Variants in TNS3 observed in about 807,000 individuals in gnomAD.
TNS3 encodes the protein tensin 3, also known as tensin-3.
Under a neutral mutation model 140.9 loss-of-function variants are expected in TNS3, and 45 were observed. That is an observed-to-expected ratio of 0.32 (90% confidence interval 0.25 to 0.41). TNS3 has a LOEUF of 0.41. Ranked by LOEUF, TNS3 falls within the 10% of genes least tolerant of loss-of-function variation. The pLI, the probability that TNS3 is intolerant of heterozygous loss-of-function variation, is 1.00. For missense variants in TNS3, 1,716 were observed against 1,906.7 expected, an observed-to-expected ratio of 0.90 and a Z score of 1.86; for synonymous variants, 815 against 788.4, an observed-to-expected ratio of 1.03 and a Z score of -0.56.
Position 47,368,360 on chromosome 7 carries a change from C to A in TNS3, c.2281+5G>T. 2 of 1,481,340 alleles carry A rather than the reference C, an allele frequency of 1.4e-6. No individual in the cohort carries two copies. The highest frequency in any genetic ancestry group is 1.8e-6 in the Non-Finnish European group (2 of 1,116,432). 91.8% of individuals were successfully genotyped at this position (1,481,340 alleles called of 1,614,324 possible). On this transcript the variant is annotated splice_donor_5th_base_variant and intron_variant, in intron 17 of 30. Coordinates refer to ENST00000311160, the MANE Select transcript of TNS3 (RefSeq NM_022748.12). ...TGGAGCACCTCCCATGGAGACCCAGCTCACCTTGCCGCCCGGTGGCCCTGC... is the reference window on the plus strand; with the variant it reads ...TGGAGCACCTCCCATGGAGACCCAGATCACCTTGCCGCCCGGTGGCCCTGC...
chr7:47,306,258 G>T (rs971485018), intron 20 of TNS3, among the ~76,000 whole-genome samples: 1 of 152,080 alleles, frequency 6.6e-6, no homozygotes, highest in Non-Finnish European at 1.5e-5. Flanking sequence ...GACCAGTGAG[G>T]AATTATATCC....
intron 20 of TNS3, among the ~76,000 whole-genome samples, chr7:47,324,928 T>C (rs1001925641): frequency 3.3e-5 from 5 of 151,992 alleles, no homozygotes; most frequent in Non-Finnish European, 7.4e-5. Flanking sequence ...CTTGATTTCC[T>C]CCAGTCAAGT....
At chr7:47,498,338 T>C (rs917660729) in intron 3 of TNS3, among the ~76,000 whole-genome samples, 1 of 152,222 alleles carries the variant, frequency 6.6e-6, no homozygotes, top group African/African-American at 2.4e-5. Flanking sequence ...AGGCCTGGCC[T>C]GAGCCACGTG....
intron 2 of TNS3, among the ~76,000 whole-genome samples, chr7:47,527,109 C>T (rs966328575): frequency 2.5e-4 from 37 of 150,864 alleles, no homozygotes; most frequent in African/African-American, 8.5e-4. Flanking sequence ...TGGTGGCGGG[C>T]GCCTGTAGTC....
chr7:47,346,401 C>G (rs752815468), intron 17 of TNS3, 45 bp from the exon 18 acceptor site: 2 of 1,604,134 alleles, frequency 1.2e-6, no homozygotes, highest in Non-Finnish European at 1.7e-6. Context: ...TTCCTCAAGG[C>G]GGAGTGAGGC....
chr7:47,419,160 G>A (rs1333547015), intron 10 of TNS3, among the ~76,000 whole-genome samples: 1 of 152,268 alleles, frequency 6.6e-6, no homozygotes, highest in Admixed American at 6.5e-5. Flanking sequence ...GGACATAAGG[G>A]TCAGAGTAGA....
At chr7:47,485,758 A>T (rs894999532) in intron 3 of TNS3, among the ~76,000 whole-genome samples, 3 of 152,256 alleles carry the variant, frequency 2.0e-5, no homozygotes, top group Non-Finnish European at 4.4e-5. Flanking sequence ...GTTCCCAAGG[A>T]AACCACAAAC....
chr7:47,459,585 TCC>T (rs1481090528), intron 4 of TNS3, among the ~76,000 whole-genome samples: 1 of 151,656 alleles, frequency 6.6e-6, no homozygotes, highest in African/African-American at 2.4e-5. Flanking sequence ...GAATGTAAAT[TCC>T]CCCACAAGAG....
chr7:47,467,315 A>C (rs1229968853), intron 4 of TNS3, among the ~76,000 whole-genome samples: 1 of 152,210 alleles, frequency 6.6e-6, no homozygotes, highest in East Asian at 1.9e-4. Flanking sequence ...CTTCCCACTA[A>C]AGTAGAAAAT....
chr7:47,283,352 G>A (rs1433260233), intron 28 of TNS3, among the ~76,000 whole-genome samples: 1 of 152,238 alleles, frequency 6.6e-6, no homozygotes, highest in Non-Finnish European at 1.5e-5. Context: ...AAGATCATTG[G>A]ACTCTGATCA....
chr7:47,527,062 C>G (rs1807016), intron 2 of TNS3, among the ~76,000 whole-genome samples: 42,014 of 135,562 alleles, frequency 0.31, 6,888 homozygotes, highest in South Asian at 0.46. Flanking sequence ...GAAACCCCAT[C>G]TCTATTAAAA....
chr7:47,567,806 A>G (rs1410119970), intron 1 of TNS3, among the ~76,000 whole-genome samples: 3 of 152,180 alleles, frequency 2.0e-5, no homozygotes, highest in Admixed American at 2.0e-4. Flanking sequence ...TAAATAACTG[A>G]AAAGATATAT....
intron 20 of TNS3, among the ~76,000 whole-genome samples, chr7:47,332,391 GT>G (rs1788390784): frequency 6.6e-6 from 1 of 152,326 alleles, no homozygotes; most frequent in East Asian, 1.9e-4. Context: ...GCCATTCCCA[GT>G]TCTAAGAGGC....
At chr7:47,546,417 C>G (rs528304123) in intron 1 of TNS3, among the ~76,000 whole-genome samples, 44 of 152,146 alleles carry the variant, frequency 2.9e-4, no homozygotes, top group Non-Finnish European at 5.3e-4. Context: ...TTACAGTCTT[C>G]CTGCGTCCCA....
At chr7:47,311,795 C>G (rs1033984086) in intron 20 of TNS3, among the ~76,000 whole-genome samples, 1 of 152,016 alleles carries the variant, frequency 6.6e-6, no homozygotes, top group Non-Finnish European at 1.5e-5. Context: ...CTCAAGAAAT[C>G]AAGCCACAAG....
intron 1 of TNS3, among the ~76,000 whole-genome samples, chr7:47,558,483 G>A (rs533106254): frequency 1.3e-5 from 2 of 152,066 alleles, no homozygotes; most frequent in Admixed American, 6.5e-5. Context: ...CAAAGAGGCC[G>A]ACCCCAGCAC....
Position 47,524,718 on chromosome 7 carries a change from C to T in TNS3, c.-153+4318G>A, listed in dbSNP as rs532639118. Among the ~76,000 whole-genome samples the T allele has an allele frequency of 2.9e-3, 418 of 143,766 alleles. 5 individuals carry two copies. The highest frequency in any genetic ancestry group is 0.011 in the African/African-American group (402 of 37,854). The allele number at this position is 143,766 out of a possible 152,430, so 94.3% of individuals were successfully genotyped here. A position where few individuals can be genotyped will look rare whatever the true frequency, so the allele number is the denominator to read the frequency against. ...TCGGGAGGCTGAGGCAGGAGAATGG[C>T]GTGAACCCGGGAGGCGGAGCTTGCA... On this transcript the variant is annotated intron_variant, in intron 2 of 30. Coordinates refer to ENST00000311160, the MANE Select transcript of TNS3 (RefSeq NM_022748.12).
At chr7:47,504,775 T>C (rs544452141) in intron 3 of TNS3, among the ~76,000 whole-genome samples, 2 of 152,312 alleles carry the variant, frequency 1.3e-5, no homozygotes, top group South Asian at 2.1e-4. Context: ...GACGGCATTA[T>C]ATTTTTGGAA....
chr7:47,566,343 G>A (rs917550514), intron 1 of TNS3, among the ~76,000 whole-genome samples: 7 of 152,198 alleles, frequency 4.6e-5, no homozygotes, highest in African/African-American at 9.7e-5. Context: ...TTACAATAGC[G>A]TGCTGCCCAA....
Sources: allele counts gnomAD v4.1 joint callset (sites outside exome capture counted in the v4.1 genomes callset), GRCh38; gene constraint gnomAD v4.1.1; transcripts MANE v1.5; gene names NCBI Gene and HGNC (gene_info 2026-07-23, HGNC 2026-07-21).